Variants in SORCS2 observed in about 807,000 individuals in gnomAD.
SORCS2 encodes the protein VPS10 domain-containing receptor SorCS2.
In SORCS2, 100 loss-of-function variants were observed where a neutral mutation model predicts 141.6. That is an observed-to-expected ratio of 0.71 (90% CI 0.60 to 0.83). The LOEUF (loss-of-function observed/expected upper bound fraction) is 0.83, where lower values mean the gene tolerates loss of function less well. Ranked by LOEUF, SORCS2 falls within the 40% of genes least tolerant of loss-of-function variation. The pLI, the probability that SORCS2 is intolerant of heterozygous loss-of-function variation, is 0.00. For synonymous variants in SORCS2, 789 were observed against 676.9 expected (o/e 1.17, Z -2.57); for missense variants, 1,646 against 1,560.2 (o/e 1.05, Z -0.93).
intron 2 of SORCS2, among the ~76,000 whole-genome samples, chr4:7,428,810 G>T (rs1726632203): frequency 6.6e-6 from 1 of 152,164 alleles, no homozygotes; most frequent in African/African-American, 2.4e-5. Flanking sequence ...TGGGAGTGAG[G>T]AGGTTGTGAG....
chr4:7,639,617 G>A (rs1037361701), intron 4 of SORCS2, among the ~76,000 whole-genome samples: 4 of 151,928 alleles, frequency 2.6e-5, no homozygotes, highest in African/African-American at 7.3e-5. Context: ...ATATGTGCGT[G>A]TGAATGTGTG....
intron 1 of SORCS2, among the ~76,000 whole-genome samples, chr4:7,394,174 G>T (rs1724053055): frequency 6.6e-6 from 1 of 152,114 alleles, no homozygotes; most frequent in South Asian, 2.1e-4. Context: ...GTGCGGTGGT[G>T]GTGGGGAGGT....
chr4:7,565,991 AATGGTGATGATGGTGATAATG>A (rs199929000), intron 3 of SORCS2, among the ~76,000 whole-genome samples: 140,673 of 144,986 alleles, frequency 0.97, 68,378 homozygotes, highest in East Asian at 1. Flanking sequence ...TGATAATGGT[AATGGTGATGATGGTGATAATG>A]ATGGTGATGA....
chr4:7,389,319 T>A (rs1158692081), intron 1 of SORCS2, among the ~76,000 whole-genome samples: 3 of 152,082 alleles, frequency 2.0e-5, no homozygotes, highest in African/African-American at 4.8e-5. Context: ...TCCTGTGTGA[T>A]CCCGGGACAG....
At position 7,676,043 on chromosome 4, in the gene SORCS2, C is replaced by A; in HGVS notation, c.1162-7C>A. On this transcript the variant is annotated splice_region_variant and splice_polypyrimidine_tract_variant and intron_variant, in intron 8 of 26. Coordinates refer to ENST00000507866, the MANE Select transcript of SORCS2 (RefSeq NM_020777.3). ...TCTGACCCTGTGCTCCCTGCACATCCCCACAGGATCTGCAGATCATCAGCA... is the reference window on the plus strand; with the variant it reads ...TCTGACCCTGTGCTCCCTGCACATCACCACAGGATCTGCAGATCATCAGCA... 1 of 1,573,822 alleles carries A rather than the reference C, an allele frequency of 6.4e-7. No individual in the cohort carries two copies. Among genetic ancestry groups the A allele is most frequent in the South Asian group, 1.2e-5 (1 of 85,616 alleles).
intron 11 of SORCS2, among the ~76,000 whole-genome samples, chr4:7,696,734 C>T (rs767250286): frequency 6.6e-6 from 1 of 152,228 alleles, no homozygotes; most frequent in Non-Finnish European, 1.5e-5. Flanking sequence ...CTGGTGTGTG[C>T]CCACCTGCCT....
intron 1 of SORCS2, among the ~76,000 whole-genome samples, chr4:7,350,772 T>C (rs77852158): frequency 6.6e-6 from 1 of 152,358 alleles, no homozygotes; most frequent in African/African-American, 2.4e-5. Context: ...TTTCATTGCC[T>C]AGGAGTTCAC....
intron 3 of SORCS2, among the ~76,000 whole-genome samples, chr4:7,597,009 C>T (rs1018304836): frequency 1.3e-5 from 2 of 151,920 alleles, no homozygotes; most frequent in South Asian, 2.1e-4. Context: ...GTTGTGCAAT[C>T]GTGAAAGTGC....
intron 3 of SORCS2, among the ~76,000 whole-genome samples, chr4:7,540,009 ATGGAGGCCCCGCCCCCTTTCTGCTG>A (rs1238833509): frequency 4.7e-5 from 4 of 84,504 alleles, no homozygotes; most frequent in Admixed American, 1.4e-4. Flanking sequence ...CCTCCCTGTT[ATGGAGGCCCCGCCCCCTTTCTGCTG>A]TGGAGGCCCC....
intron 1 of SORCS2, among the ~76,000 whole-genome samples, chr4:7,358,393 C>T (rs1310322712): frequency 6.6e-6 from 1 of 152,182 alleles, no homozygotes; most frequent in Non-Finnish European, 1.5e-5. Context: ...CGTTAGTTCC[C>T]AAAGTCACAC....
intron 26 of SORCS2, among the ~76,000 whole-genome samples, chr4:7,737,457 G>T (rs181866991): frequency 1.3e-5 from 2 of 152,120 alleles, no homozygotes; most frequent in African/African-American, 4.8e-5. Flanking sequence ...CCCCATCAAG[G>T]CAGGGAAAGG....
At chr4:7,577,484 A>G (rs1715828994) in intron 3 of SORCS2, among the ~76,000 whole-genome samples, 2 of 151,402 alleles carry the variant, frequency 1.3e-5, no homozygotes, top group Non-Finnish European at 2.9e-5. Context: ...GTTATGTAGC[A>G]TACAGGTGAA....
chr4:7,674,317 C>T (rs112645420), intron 8 of SORCS2, among the ~76,000 whole-genome samples: 22 of 152,060 alleles, frequency 1.4e-4, no homozygotes, highest in African/African-American at 1.9e-4. Context: ...CGGTGGCTCA[C>T]GCCTGTAATC....
chr4:7,468,823 C>T (rs1420189921), intron 2 of SORCS2, among the ~76,000 whole-genome samples: 2 of 152,160 alleles, frequency 1.3e-5, no homozygotes, highest in Admixed American at 6.5e-5. Flanking sequence ...TGGGTCTGGA[C>T]GTTGCATTTG....
intron 13 of SORCS2, 23 bp downstream of exon 13, chr4:7,703,394 G>C: frequency 6.3e-7 from 1 of 1,587,662 alleles, no homozygotes; most frequent in African/African-American, 1.3e-5. Context: ...GCTAGCCCCG[G>C]GGCAGGGAGG....
chr4:7,239,847 A>G (rs1384447243), intron 1 of SORCS2, among the ~76,000 whole-genome samples: 1 of 152,222 alleles, frequency 6.6e-6, no homozygotes, highest in Non-Finnish European at 1.5e-5. Context: ...AGAATTTGTC[A>G]ATGAGGGTGA....
At chr4:7,650,114 T>C (rs533952872) in intron 4 of SORCS2, among the ~76,000 whole-genome samples, 1 of 152,336 alleles carries the variant, frequency 6.6e-6, no homozygotes, top group East Asian at 1.9e-4. Flanking sequence ...CAGATGCTGA[T>C]CACAGAAGAA....
At chr4:7,537,582 T>C (rs1712235082) in intron 3 of SORCS2, among the ~76,000 whole-genome samples, 1 of 152,202 alleles carries the variant, frequency 6.6e-6, no homozygotes, top group Non-Finnish European at 1.5e-5. Context: ...GTACCTACTA[T>C]GCACTGGGTC....
At chr4:7,445,220 T>G (rs1207033522) in intron 2 of SORCS2, among the ~76,000 whole-genome samples, 1 of 152,172 alleles carries the variant, frequency 6.6e-6, no homozygotes, top group Non-Finnish European at 1.5e-5. Flanking sequence ...GAGGCACCCT[T>G]GCAACAGATA....
Sources: gnomAD v4.1 joint callset for allele counts (sites outside exome capture counted in the v4.1 genomes callset) on GRCh38, gnomAD v4.1.1 for gene constraint, MANE v1.5 for transcripts, NCBI Gene and HGNC (gene_info 2026-07-23, HGNC 2026-07-21) for gene names.